The following PEBP4 variants were observed in gnomAD, a reference collection of about 807,000 sequenced individuals.
The protein encoded by PEBP4 is phosphatidylethanolamine-binding protein 4.
Under a neutral mutation model 23.9 loss-of-function variants are expected in PEBP4, and 22 were observed. The observed-to-expected ratio is 0.92, with a 90% CI of 0.66 to 1.31. The LOEUF (loss-of-function observed/expected upper bound fraction) is 1.31, where lower values mean the gene tolerates loss of function less well. PEBP4 is among the 40% of genes most tolerant of loss of function. The pLI is 0.00. For missense variants in PEBP4, 324 were observed against 281.7 expected, an observed-to-expected ratio of 1.15 and a Z score of -1.07; for synonymous variants, 112 against 99.3, an observed-to-expected ratio of 1.13 and a Z score of -0.76.
intron 6 of PEBP4, among the ~76,000 whole-genome samples, chr8:22,719,095 G>T (rs1320238254): frequency 6.6e-6 from 1 of 152,186 alleles, no homozygotes; most frequent in African/African-American, 2.4e-5. Flanking sequence ...CTGTGGGTGG[G>T]TGGTTCCACC....
intron 3 of PEBP4, among the ~76,000 whole-genome samples, chr8:22,903,987 T>A (rs1180261449): frequency 6.6e-6 from 1 of 152,242 alleles, no homozygotes; most frequent in Non-Finnish European, 1.5e-5. Context: ...CTGGACTCAG[T>A]TGAGTTCCTG....
intron 3 of PEBP4, among the ~76,000 whole-genome samples, chr8:22,910,022 C>T (rs969348964): frequency 2.0e-5 from 3 of 152,208 alleles, no homozygotes; most frequent in African/African-American, 7.2e-5. Context: ...AACTAATGTC[C>T]GCCAGGTTGT....
chr8:22,832,572 G>C (rs942452328), intron 3 of PEBP4, among the ~76,000 whole-genome samples: 20 of 152,150 alleles, frequency 1.3e-4, no homozygotes, highest in African/African-American at 4.3e-4. Flanking sequence ...CTGACGCAGA[G>C]AGAAAATCTC....
intron 3 of PEBP4, among the ~76,000 whole-genome samples, chr8:22,883,262 G>A (rs2128772842): frequency 6.6e-6 from 1 of 152,296 alleles, no homozygotes; most frequent in South Asian, 2.1e-4. Context: ...ACTTTCTGAT[G>A]TGAGAACAGC....
chr8:22,784,139 G>C (rs1452389665), intron 4 of PEBP4, among the ~76,000 whole-genome samples: 1 of 152,172 alleles, frequency 6.6e-6, no homozygotes, highest in South Asian at 2.1e-4. Flanking sequence ...GACAGCCCCT[G>C]GCCCACAGCA....
intron 3 of PEBP4, among the ~76,000 whole-genome samples, chr8:22,829,285 T>A (rs1361276101): frequency 1.3e-5 from 2 of 152,148 alleles, no homozygotes; most frequent in Non-Finnish European, 2.9e-5. Flanking sequence ...CCACCCTATA[T>A]TTTTGGCTAC....
intron 3 of PEBP4, among the ~76,000 whole-genome samples, chr8:22,839,809 C>T (rs1284982405): frequency 6.6e-6 from 1 of 152,160 alleles, no homozygotes; most frequent in Non-Finnish European, 1.5e-5. Context: ...GTGAGGGGCC[C>T]ATCTCATCCT....
At chr8:22,871,521 A>G (rs1348109340) in intron 3 of PEBP4, among the ~76,000 whole-genome samples, 1 of 140,164 alleles carries the variant, frequency 7.1e-6, no homozygotes, top group South Asian at 2.3e-4. Context: ...TTTTGGTTAC[A>G]TGGTTAAGTT....
intron 3 of PEBP4, among the ~76,000 whole-genome samples, chr8:22,889,480 T>C (rs1001829706): frequency 1.3e-5 from 2 of 152,010 alleles, no homozygotes; most frequent in African/African-American, 2.4e-5. Context: ...TTTAGGGAGA[T>C]GGTAAATGGG....
chr8:22,852,551 C>T (rs1807570701), intron 3 of PEBP4, among the ~76,000 whole-genome samples: 2 of 152,178 alleles, frequency 1.3e-5, no homozygotes, highest in Non-Finnish European at 2.9e-5. Flanking sequence ...ACCACAAGAG[C>T]GTCCAACCAG....
chr8:22,926,841 C>T (rs7819125), intron 2 of PEBP4, among the ~76,000 whole-genome samples: 65,364 of 152,092 alleles, frequency 0.43, 14,698 homozygotes, highest in African/African-American at 0.55. Flanking sequence ...TTTTCCTCCT[C>T]TCTCATTTCT....
At position 22,773,861 on chromosome 8, in the gene PEBP4, C is replaced by G. The variant is rs141195137; in HGVS notation, c.357+43776G>C. Among the ~76,000 whole-genome samples, 1,319 of 152,242 alleles carry G rather than the reference C, an allele frequency of 8.7e-3. 9 individuals carry two copies. Among genetic ancestry groups the G allele is most frequent in the Non-Finnish European group, 0.014 (973 of 68,004 alleles). On this transcript the variant is annotated intron_variant, in intron 4 of 6. Coordinates refer to ENST00000256404, the MANE Select transcript of PEBP4 (RefSeq NM_144962.3). ...ACCCTTTTCCATCTTGTTCCTCTAC[C>G]AGGGACCTTCCCTGTTCTGACCAGA...
chr8:22,940,646 G>A (rs1239460605), intron 1 of PEBP4, among the ~76,000 whole-genome samples: 3 of 151,926 alleles, frequency 2.0e-5, no homozygotes, highest in South Asian at 2.1e-4. Context: ...CCACCACCAC[G>A]CCTGGTTAAT....
At chr8:22,871,950 C>A (rs1563244303) in intron 3 of PEBP4, among the ~76,000 whole-genome samples, 1 of 152,122 alleles carries the variant, frequency 6.6e-6, no homozygotes, top group South Asian at 2.1e-4. Context: ...CCCGCAAGTC[C>A]CCAAAATCCA....
chr8:22,779,051 A>C (rs1352665511), intron 4 of PEBP4, among the ~76,000 whole-genome samples: 1 of 14,580 alleles, frequency 6.9e-5, no homozygotes, highest in Non-Finnish European at 1.3e-4. Context: ...CCTGGGGAGT[A>C]GGTGGTGGGA....
At chr8:22,904,666 G>A (rs552449562) in intron 3 of PEBP4, among the ~76,000 whole-genome samples, 9 of 152,150 alleles carry the variant, frequency 5.9e-5, no homozygotes, top group East Asian at 1.9e-4. Context: ...TTCTCCGTTC[G>A]CCTAGTTTTT....
chr8:22,717,973 C>T (rs531248567), intron 6 of PEBP4, among the ~76,000 whole-genome samples: 33 of 152,202 alleles, frequency 2.2e-4, no homozygotes, highest in Non-Finnish European at 3.5e-4. Context: ...AGGCCTGAGA[C>T]TTTTATTTTT....
At chr8:22,893,939 A>G (rs893710010) in intron 3 of PEBP4, among the ~76,000 whole-genome samples, 15 of 152,138 alleles carry the variant, frequency 9.9e-5, no homozygotes, top group African/African-American at 3.6e-4. Context: ...CTGTAAACCC[A>G]CAGATCCCAG....
intron 2 of PEBP4, among the ~76,000 whole-genome samples, chr8:22,923,183 C>T (rs1415615710): frequency 2.6e-5 from 4 of 152,266 alleles, no homozygotes; most frequent in East Asian, 1.9e-4. Context: ...CTTTCTTCCC[C>T]GCACCACACG....
Sources: allele counts gnomAD v4.1 joint callset (sites outside exome capture counted in the v4.1 genomes callset), GRCh38; gene constraint gnomAD v4.1.1; transcripts MANE v1.5; gene names NCBI Gene and HGNC (gene_info 2026-07-23, HGNC 2026-07-21).